Variants in KIF6 observed in about 807,000 individuals in gnomAD.
The protein encoded by KIF6 is kinesin-like protein KIF6.
KIF6 carries 106 observed loss-of-function variants against 112.7 expected under a neutral mutation model. The observed-to-expected ratio is 0.94, with a 90% CI of 0.80 to 1.11. KIF6 has a LOEUF of 1.11. KIF6 is among the 50% of genes least tolerant of loss of function. KIF6 has a pLI of 0.00. For synonymous variants in KIF6, 339 were observed against 339.9 expected (o/e 1.00, Z 0.03); for missense variants, 929 against 964.0 (o/e 0.96, Z 0.48).
chr6:39,474,735 G>A (rs1294204559), intron 13 of KIF6, among the ~76,000 whole-genome samples: 1 of 152,258 alleles, frequency 6.6e-6, no homozygotes, highest in Non-Finnish European at 1.5e-5. Flanking sequence ...AGAACTGTGT[G>A]TGGTAACGCT....
intron 13 of KIF6, among the ~76,000 whole-genome samples, chr6:39,439,319 C>T (rs1268236689): frequency 6.6e-6 from 1 of 152,166 alleles, no homozygotes; most frequent in Non-Finnish European, 1.5e-5. Flanking sequence ...TTGCCATGCT[C>T]ATTTCTAGAG....
intron 20 of KIF6, among the ~76,000 whole-genome samples, chr6:39,346,053 T>G (rs143807082): frequency 0.036 from 484 of 13,494 alleles, 10 homozygotes; most frequent in African/African-American, 0.23. Flanking sequence ...TACAGTGCTC[T>G]CTCTCTCTCT....
intron 3 of KIF6, among the ~76,000 whole-genome samples, chr6:39,677,410 T>C (rs189177097): frequency 2.8e-4 from 43 of 152,214 alleles, no homozygotes; most frequent in Admixed American, 2.7e-3. Flanking sequence ...CACATGGATA[T>C]AGCAAACCTG....
At chr6:39,388,448 G>T (rs1767603656) in intron 15 of KIF6, among the ~76,000 whole-genome samples, 1 of 152,088 alleles carries the variant, frequency 6.6e-6, no homozygotes. Flanking sequence ...TCTTTATAAT[G>T]TTACATATTG....
At chr6:39,416,700 T>A (rs1348791558) in intron 15 of KIF6, among the ~76,000 whole-genome samples, 1 of 152,196 alleles carries the variant, frequency 6.6e-6, no homozygotes, top group Admixed American at 6.5e-5. Context: ...ATACAGCCAC[T>A]ACTAAATTGA....
chr6:39,336,756 AG>A (rs1762927843), intron 22 of KIF6, among the ~76,000 whole-genome samples: 1 of 152,040 alleles, frequency 6.6e-6, no homozygotes, highest in Non-Finnish European at 1.5e-5. Flanking sequence ...CCATCTCCCT[AG>A]GCTGAGACTG....
intron 5 of KIF6, among the ~76,000 whole-genome samples, chr6:39,631,666 G>A (rs1784357248): frequency 6.6e-6 from 1 of 150,436 alleles, no homozygotes; most frequent in South Asian, 2.1e-4. Flanking sequence ...TTTTGTTGAG[G>A]ATTTTTGAGC....
intron 13 of KIF6, among the ~76,000 whole-genome samples, chr6:39,496,385 C>A (rs952152745): frequency 3.9e-5 from 6 of 152,258 alleles, no homozygotes; most frequent in Non-Finnish European, 4.4e-5. Flanking sequence ...ACTACTTATT[C>A]TGCTCAGCCA....
chr6:39,343,645 T>G lies in KIF6; in HGVS notation c.2428+64A>C. The G allele has an allele frequency of 7.5e-7, 1 of 1,334,680 alleles. No individual in the cohort carries two copies. Among genetic ancestry groups the G allele is most frequent in the Non-Finnish European group, 1.0e-6 (1 of 954,694 alleles). 82.7% of individuals were successfully genotyped at this position (1,334,680 alleles called of 1,614,324 possible). On this transcript the variant is annotated intron_variant, in intron 22 of 22. Coordinates refer to ENST00000287152, the MANE Select transcript of KIF6 (RefSeq NM_145027.6). The surrounding 1 kb of genome is among the most constrained non-coding windows in gnomAD (Gnocchi z 4.1). ...TCCCTACTCCCCTCCCACCTCACTG[T>G]GTGCTCCCCACAAGTGTTGGTGACC...
intron 3 of KIF6, among the ~76,000 whole-genome samples, chr6:39,707,237 A>T (rs186651801): frequency 7.7e-4 from 117 of 152,314 alleles, no homozygotes; most frequent in Non-Finnish European, 1.4e-3. Context: ...AAGTGTAGAA[A>T]CCTTACTTCC....
chr6:39,599,925 T>C (rs754149380), intron 6 of KIF6, among the ~76,000 whole-genome samples: 11 of 152,226 alleles, frequency 7.2e-5, no homozygotes, highest in Non-Finnish European at 1.6e-4. Flanking sequence ...GTAATTAAAA[T>C]GCAGTAATAT....
At chr6:39,516,138 T>C (rs1777072083) in intron 13 of KIF6, among the ~76,000 whole-genome samples, 1 of 152,134 alleles carries the variant, frequency 6.6e-6, no homozygotes, top group Non-Finnish European at 1.5e-5. Context: ...TTCAAGCATT[T>C]TGGGTAAGAG....
At chr6:39,639,070 A>T (rs1476328246) in intron 4 of KIF6, among the ~76,000 whole-genome samples, 1 of 152,096 alleles carries the variant, frequency 6.6e-6, no homozygotes, top group Non-Finnish European at 1.5e-5. Context: ...TGTTATATCA[A>T]ATACTGGTAA....
chr6:39,354,665 G>C (rs912445093), intron 19 of KIF6, among the ~76,000 whole-genome samples: 1 of 152,138 alleles, frequency 6.6e-6, no homozygotes. Context: ...CACTAATTGG[G>C]TAAGCATTGG....
intron 6 of KIF6, among the ~76,000 whole-genome samples, chr6:39,603,910 T>C (rs966156764): frequency 6.6e-6 from 1 of 152,170 alleles, no homozygotes; most frequent in East Asian, 1.9e-4. Flanking sequence ...CTTTGTTATC[T>C]TGGAGTAAAA....
chr6:39,524,732 G>T (rs763834296), intron 13 of KIF6, among the ~76,000 whole-genome samples: 1 of 152,210 alleles, frequency 6.6e-6, no homozygotes, highest in Non-Finnish European at 1.5e-5. Context: ...GCTGTTGTCA[G>T]CTGGCAAAGT....
At chr6:39,381,710 C>T (rs1465939619) in intron 16 of KIF6, among the ~76,000 whole-genome samples, 1 of 152,162 alleles carries the variant, frequency 6.6e-6, no homozygotes, top group East Asian at 1.9e-4. Context: ...GGAGCTTGGA[C>T]GGCAACATGG....
At chr6:39,445,443 A>T (rs1216839416) in intron 13 of KIF6, among the ~76,000 whole-genome samples, 2 of 152,226 alleles carry the variant, frequency 1.3e-5, no homozygotes, top group Non-Finnish European at 2.9e-5. Flanking sequence ...AACTGGTGAA[A>T]CAGACCATCT....
chr6:39,394,816 G>A (rs953676465), intron 15 of KIF6, among the ~76,000 whole-genome samples: 1 of 152,116 alleles, frequency 6.6e-6, no homozygotes, highest in African/African-American at 2.4e-5. Flanking sequence ...TAACATAATC[G>A]AGTCACAGAG....
Sources: gnomAD v4.1 joint callset for allele counts (sites outside exome capture counted in the v4.1 genomes callset) on GRCh38, gnomAD v4.1.1 for gene constraint, Gnocchi (gnomAD v3.1) non-coding constraint, MANE v1.5 for transcripts, NCBI Gene and HGNC (gene_info 2026-07-23, HGNC 2026-07-21) for gene names.